The following KATNAL2 variants were observed in gnomAD, a reference collection of about 807,000 sequenced individuals.
The protein encoded by KATNAL2 is katanin p60 ATPase-containing subunit A-like 2.
In KATNAL2, 52 loss-of-function variants were observed where a neutral mutation model predicts 76.3. That is an observed-to-expected ratio of 0.68 (90% CI 0.55 to 0.86). The LOEUF (loss-of-function observed/expected upper bound fraction) is 0.86. KATNAL2 is among the 40% of genes least tolerant of loss of function. KATNAL2 has a pLI of 0.00. For missense variants in KATNAL2, 660 were observed against 668.9 expected (o/e 0.99, Z 0.15); for synonymous variants, 243 against 244.2 (o/e 1.00, Z 0.05).
intron 3 of KATNAL2, among the ~76,000 whole-genome samples, chr18:47,036,887 T>C (rs1273768256): frequency 2.6e-5 from 4 of 152,220 alleles, no homozygotes; most frequent in Admixed American, 2.0e-4. Context: ...TTTTTTGGGT[T>C]GTACAGCATT....
At chr18:46,922,964 G>C (rs2058615854) in intron 1 of KATNAL2, among the ~76,000 whole-genome samples, 1 of 146,140 alleles carries the variant, frequency 6.8e-6, no homozygotes, top group African/African-American at 2.5e-5. Context: ...TAAATCCTTA[G>C]ATCTGAAGTA....
At chr18:47,033,496 A>G in intron 3 of KATNAL2, 1 of 1,614,110 alleles carries the variant, frequency 6.2e-7, no homozygotes, top group African/African-American at 1.3e-5. Flanking sequence ...GAAGTCCTGG[A>G]AACAATGATT....
chr18:47,062,253 G>A (rs752074625), intron 8 of KATNAL2, among the ~76,000 whole-genome samples: 3 of 151,902 alleles, frequency 2.0e-5, no homozygotes, highest in Admixed American at 1.3e-4. Flanking sequence ...AAGTAGTGGC[G>A]CACATATGTA....
chr18:46,927,113 T>C (rs1443534532), intron 1 of KATNAL2, among the ~76,000 whole-genome samples: 1 of 152,218 alleles, frequency 6.6e-6, no homozygotes, highest in Non-Finnish European at 1.5e-5. Context: ...ATGTGTGAAT[T>C]TGATCCTGTC....
intron 4 of KATNAL2, among the ~76,000 whole-genome samples, chr18:47,047,537 C>T (rs1323088082): frequency 6.6e-6 from 1 of 152,014 alleles, no homozygotes; most frequent in Non-Finnish European, 1.5e-5. Flanking sequence ...GGTTTGGCCA[C>T]CTACCTCATT....
At chr18:47,048,118 A>G (rs2061219558) in intron 4 of KATNAL2, among the ~76,000 whole-genome samples, 1 of 152,192 alleles carries the variant, frequency 6.6e-6, no homozygotes, top group Non-Finnish European at 1.5e-5. Flanking sequence ...GATACTGCCA[A>G]ATGCCATCTG....
At chr18:47,074,771 T>C (rs1264031346) in intron 13 of KATNAL2, among the ~76,000 whole-genome samples, 1 of 152,178 alleles carries the variant, frequency 6.6e-6, no homozygotes, top group African/African-American at 2.4e-5. Context: ...ACGGAGTAAT[T>C]TGGAGAACAC....
intron 15 of KATNAL2, 23 bp downstream of exon 15, chr18:47,077,484 T>C: frequency 1.3e-6 from 2 of 1,544,724 alleles, no homozygotes; most frequent in South Asian, 2.2e-5. Context: ...GAGAGTAAAT[T>C]TTGAATACAT....
chr18:47,097,852 T>C (rs928680516), intron 15 of KATNAL2, among the ~76,000 whole-genome samples: 1 of 152,170 alleles, frequency 6.6e-6, no homozygotes, highest in African/African-American at 2.4e-5. Context: ...TAGTACCCAT[T>C]AGTTGTTTTT....
At chr18:47,079,342 C>T (rs1406633172) in intron 15 of KATNAL2, among the ~76,000 whole-genome samples, 5 of 152,034 alleles carry the variant, frequency 3.3e-5, no homozygotes, top group Admixed American at 6.6e-5. Context: ...AAGGTTTGCA[C>T]TTTGTAATTG....
intron 8 of KATNAL2, 38 bp downstream of exon 8, chr18:47,059,692 A>G: frequency 1.5e-6 from 2 of 1,338,878 alleles, no homozygotes; most frequent in Non-Finnish European, 2.1e-6. Context: ...GAAAGTGGTA[A>G]TTTCTTTTTC....
At chr18:47,068,965 A>G (rs529263360) in intron 11 of KATNAL2, among the ~76,000 whole-genome samples, 1 of 152,320 alleles carries the variant, frequency 6.6e-6, no homozygotes, top group East Asian at 1.9e-4. Context: ...ACCTACATAT[A>G]CCTTTCCTTC....
intron 7 of KATNAL2, among the ~76,000 whole-genome samples, chr18:47,058,836 G>C (rs537441695): frequency 1.3e-5 from 2 of 152,232 alleles, no homozygotes; most frequent in African/African-American, 2.4e-5. Context: ...AATCGCACAT[G>C]GTCAGCCCTC....
At chr18:46,961,634 C>A (rs1004609263) in intron 3 of KATNAL2, among the ~76,000 whole-genome samples, 34 of 152,204 alleles carry the variant, frequency 2.2e-4, no homozygotes, top group Non-Finnish European at 2.9e-5. Context: ...CAAACCTATA[C>A]AGGCATATGT....
intron 3 of KATNAL2, among the ~76,000 whole-genome samples, chr18:46,959,859 G>A (rs2059883192): frequency 6.6e-6 from 1 of 152,168 alleles, no homozygotes. Flanking sequence ...ACAGGTGTGA[G>A]CCACCACGCC....
intron 3 of KATNAL2, among the ~76,000 whole-genome samples, chr18:47,036,664 C>T (rs1024169641): frequency 5.9e-5 from 9 of 152,210 alleles, no homozygotes; most frequent in Admixed American, 2.0e-4. Flanking sequence ...GTATCTGGAT[C>T]GGACTTTAAT....
chr18:47,069,133 A>T lies in KATNAL2; in HGVS notation c.826-87A>T. On this transcript the variant is annotated intron_variant, in intron 11 of 17. Coordinates refer to ENST00000683218, the MANE Select transcript of KATNAL2 (RefSeq NM_001387690.1). ...TGAATCTTAGAGCTGTGCTGCTTTG[A>T]CTTCAGCTTTCCCAGCTTGTCTGTG... The T allele has an allele frequency of 3.2e-6, 3 of 930,946 alleles. No homozygotes were observed. The Admixed American group carries it at 6.6e-5, about 20-fold the overall frequency. 57.7% of individuals were successfully genotyped at this position (930,946 alleles called of 1,614,324 possible). A position where few individuals can be genotyped will look rare whatever the true frequency, so the allele number is the denominator to read the frequency against.
intron 3 of KATNAL2, among the ~76,000 whole-genome samples, chr18:46,950,917 C>T (rs1450309694): frequency 2.0e-5 from 3 of 152,218 alleles, no homozygotes; most frequent in Non-Finnish European, 2.9e-5. Flanking sequence ...CTCCCAACCT[C>T]AGGTGATCTG....
intron 11 of KATNAL2, among the ~76,000 whole-genome samples, chr18:47,067,608 C>A (rs1189332745): frequency 1.3e-5 from 2 of 152,168 alleles, no homozygotes; most frequent in Admixed American, 1.3e-4. Flanking sequence ...GCCTGTTGTG[C>A]TCATTACTTA....
Sources: allele counts gnomAD v4.1 joint callset (sites outside exome capture counted in the v4.1 genomes callset), GRCh38; gene constraint gnomAD v4.1.1; transcripts MANE v1.5; gene names NCBI Gene and HGNC (gene_info 2026-07-23, HGNC 2026-07-21).